Variants in BMPER observed in about 807,000 individuals in gnomAD.
BMPER encodes BMP-binding endothelial regulator protein.
In BMPER, 45 loss-of-function variants were observed where a neutral mutation model predicts 87.3. That is an observed-to-expected ratio of 0.52 (90% CI 0.41 to 0.66). BMPER has a LOEUF of 0.66. Among genes scored for constraint, BMPER ranks in the 30% least tolerant of loss-of-function variants. BMPER has a pLI of 0.00. For synonymous variants in BMPER, 326 were observed against 316.2 expected (o/e 1.03, Z -0.33); for missense variants, 784 against 867.5 (o/e 0.90, Z 1.21).
intron 6 of BMPER, among the ~76,000 whole-genome samples, chr7:34,021,566 T>C (rs1787189223): frequency 6.6e-6 from 1 of 151,976 alleles, no homozygotes; most frequent in African/African-American, 2.4e-5. Context: ...TGACCCAGCT[T>C]GAACTGGAAC....
At position 34,063,379 on chromosome 7, in the gene BMPER, A is replaced by G. The variant is rs549138247; in HGVS notation, c.1078+1332A>G. On this transcript the variant is annotated intron_variant, in intron 11 of 14. Coordinates refer to ENST00000649409, the MANE Select transcript of BMPER (RefSeq NM_001365308.1). The stretch of plus-strand genomic sequence containing the variant: ...GACAATAGATATGCAGGGTCACTAT[A>G]TGTGTGTGTGTGTGTGTGTGTGTGT... Among the ~76,000 whole-genome samples, 754 of 149,070 alleles carry G rather than the reference A, an allele frequency of 5.1e-3. 3 individuals carry two copies. The highest frequency in any genetic ancestry group is 0.028 in the Middle Eastern group (8 of 286).
intron 6 of BMPER, among the ~76,000 whole-genome samples, chr7:34,003,633 AT>A (rs1786648892): frequency 6.6e-6 from 1 of 151,980 alleles, no homozygotes; most frequent in Admixed American, 6.6e-5. Context: ...AATTCTGTTA[AT>A]TTTTATTTAC....
intron 13 of BMPER, among the ~76,000 whole-genome samples, chr7:34,105,339 A>G (rs972533093): frequency 6.6e-6 from 1 of 152,212 alleles, no homozygotes; most frequent in African/African-American, 2.4e-5. Context: ...ACATGCCTTC[A>G]TGTCCTGCTC....
intron 6 of BMPER, among the ~76,000 whole-genome samples, chr7:34,030,911 AT>A (rs1021808854): frequency 6.6e-6 from 1 of 152,018 alleles, no homozygotes; most frequent in East Asian, 1.9e-4. Context: ...CTATACATTG[AT>A]TTTTTTGATG....
intron 6 of BMPER, among the ~76,000 whole-genome samples, chr7:34,027,004 G>T (rs1325083361): frequency 3.3e-5 from 5 of 152,074 alleles, no homozygotes; most frequent in African/African-American, 9.7e-5. Flanking sequence ...GCTTGCTGAT[G>T]TAAGTGGTGA....
chr7:34,021,343 A>G (rs754752139), intron 6 of BMPER, among the ~76,000 whole-genome samples: 1 of 152,018 alleles, frequency 6.6e-6, no homozygotes, highest in Non-Finnish European at 1.5e-5. Flanking sequence ...ATTCCCTCAA[A>G]AGATTTTAAT....
chr7:34,141,763 G>GT (rs1364455609), intron 13 of BMPER, among the ~76,000 whole-genome samples: 1 of 152,040 alleles, frequency 6.6e-6, no homozygotes, highest in Non-Finnish European at 1.5e-5. Flanking sequence ...TTTTACATCT[G>GT]TTCCTCTTTT....
chr7:34,052,254 G>A (rs957340847), intron 8 of BMPER, among the ~76,000 whole-genome samples: 5 of 152,124 alleles, frequency 3.3e-5, no homozygotes, highest in Admixed American at 2.6e-4. Flanking sequence ...AAATACATAC[G>A]GCTGTGCCCT....
intron 1 of BMPER, among the ~76,000 whole-genome samples, chr7:33,906,263 A>G (rs1783814585): frequency 6.6e-6 from 1 of 152,204 alleles, no homozygotes; most frequent in Non-Finnish European, 1.5e-5. Flanking sequence ...ATTCTGAAGG[A>G]CATACTTTAC....
chr7:34,002,313 C>T (rs1223783676), intron 6 of BMPER, among the ~76,000 whole-genome samples: 4 of 151,760 alleles, frequency 2.6e-5, no homozygotes, highest in Admixed American at 2.6e-4. Context: ...CAATAAGTTA[C>T]ATGAGATATT....
intron 6 of BMPER, among the ~76,000 whole-genome samples, chr7:33,986,952 T>A (rs2127921938): frequency 6.6e-6 from 1 of 152,122 alleles, no homozygotes; most frequent in Non-Finnish European, 1.5e-5. Flanking sequence ...TCCCCTCCCC[T>A]CCTGTGCCCT....
intron 6 of BMPER, among the ~76,000 whole-genome samples, chr7:33,993,982 G>A (rs1383162904): frequency 6.6e-6 from 1 of 152,212 alleles, no homozygotes; most frequent in Non-Finnish European, 1.5e-5. Flanking sequence ...CCCGTTCTCA[G>A]ATCTCCAGCT....
chr7:34,111,863 A>G (rs1009554624), intron 13 of BMPER, among the ~76,000 whole-genome samples: 7 of 152,006 alleles, frequency 4.6e-5, no homozygotes, highest in Non-Finnish European at 1.0e-4. Context: ...ATAGGCACGC[A>G]CCACCACGCC....
chr7:33,966,578 T>G lies in BMPER; in HGVS notation c.402+17T>G. The G allele has an allele frequency of 6.2e-7, 1 of 1,610,176 alleles. No homozygotes were observed. The highest frequency in any genetic ancestry group is 8.5e-7 in the Non-Finnish European group (1 of 1,176,668). On this transcript the variant is annotated intron_variant, in intron 4 of 14. Coordinates refer to ENST00000649409, the MANE Select transcript of BMPER (RefSeq NM_001365308.1). The stretch of plus-strand genomic sequence containing the variant: ...CAGTGCCAGGTAAAGTTCAATTATT[T>G]CTCTCTCCAGTAAAAAGGAATCCAT...
intron 3 of BMPER, among the ~76,000 whole-genome samples, chr7:33,955,258 T>C (rs915901846): frequency 3.0e-4 from 46 of 152,212 alleles, no homozygotes; most frequent in Non-Finnish European, 1.2e-4. Context: ...TAATCACTTA[T>C]CTACCCATGC....
chr7:34,143,529 C>T (rs1401009222), intron 14 of BMPER, among the ~76,000 whole-genome samples, 169 bp downstream of exon 14: 3 of 152,168 alleles, frequency 2.0e-5, no homozygotes, highest in Admixed American at 6.5e-5. Flanking sequence ...CAGGGACTTC[C>T]CACTGGGCAA....
chr7:33,961,618 G>A (rs531103552), intron 3 of BMPER, among the ~76,000 whole-genome samples: 16 of 152,318 alleles, frequency 1.1e-4, no homozygotes, highest in African/African-American at 3.4e-4. Context: ...GAAGGTGTGG[G>A]AGGGCACTGA....
At chr7:33,972,512 T>A (rs925902976) in intron 5 of BMPER, among the ~76,000 whole-genome samples, 2 of 152,168 alleles carry the variant, frequency 1.3e-5, no homozygotes, top group Non-Finnish European at 2.9e-5. Flanking sequence ...ATTACAGTGC[T>A]AAGTCCTCAC....
At chr7:34,007,728 T>C (rs1340855391) in intron 6 of BMPER, among the ~76,000 whole-genome samples, 1 of 151,996 alleles carries the variant, frequency 6.6e-6, no homozygotes, top group Non-Finnish European at 1.5e-5. Context: ...TAAGTATACA[T>C]TTTTCTAATT....
Sources: allele counts gnomAD v4.1 joint callset (sites outside exome capture counted in the v4.1 genomes callset), GRCh38; gene constraint gnomAD v4.1.1; transcripts MANE v1.5; gene names NCBI Gene and HGNC (gene_info 2026-07-23, HGNC 2026-07-21).